Variants in NDUFC1 observed in about 807,000 individuals in gnomAD.
The protein encoded by NDUFC1 is NADH dehydrogenase [ubiquinone] 1 subunit C1, mitochondrial.
A neutral mutation model predicts 11.6 loss-of-function variants in NDUFC1; 11 were observed. That is an observed-to-expected ratio of 0.95 (90% CI 0.60 to 1.58). NDUFC1 has a LOEUF of 1.58. Among genes scored for constraint, NDUFC1 ranks in the 40% most tolerant of loss-of-function variants. The pLI, the probability that NDUFC1 is intolerant of heterozygous loss-of-function variation, is 0.00. For synonymous variants in NDUFC1, 52 were observed against 42.2 expected, an observed-to-expected ratio of 1.23 and a Z score of -0.90; for missense variants, 112 against 93.0, an observed-to-expected ratio of 1.20 and a Z score of -0.84.
chr4:139,300,880 C>G (rs3806767), intron 1 of NDUFC1: 40,446 of 152,126 alleles, frequency 0.27, 5,702 homozygotes, highest in African/African-American at 0.35. Flanking sequence ...ACCTCCAGAG[C>G]CTCCTTTGGC....
intron 5 of NDUFC1, among the ~76,000 whole-genome samples, chr4:139,291,802 C>G (rs982308877): frequency 6.6e-6 from 1 of 151,816 alleles, no homozygotes. Context: ...GTGTAAAGCA[C>G]TATCAGATTT....
At chr4:139,298,893 T>G (rs1461760883) in intron 1 of NDUFC1, among the ~76,000 whole-genome samples, 1 of 152,082 alleles carries the variant, frequency 6.6e-6, no homozygotes, top group Non-Finnish European at 1.5e-5. Context: ...CAGGTTGGTC[T>G]CAAACTTCTG....
In NDUFC1 at chr4:139,290,984, G is replaced by T. The variant is rs540435360; in HGVS notation, c.*21-892C>A. Reference sequence around the variant, plus strand: ...ACCACCATGCCTAGCTATTTTTTGTGTATTTTTAGTACTGATGGGGTTTCG... The same window carrying T: ...ACCACCATGCCTAGCTATTTTTTGTTTATTTTTAGTACTGATGGGGTTTCG... On this transcript the variant is annotated intron_variant, in intron 5 of 5. Coordinates refer to ENST00000394223, the MANE Select transcript of NDUFC1 (RefSeq NM_001184989.2). 6.6e-5 allele frequency among the ~76,000 whole-genome samples: 10 copies of T among 151,458 alleles called. No individual in the cohort carries two copies. In the South Asian group the frequency reaches 1.0e-3, roughly 16 times the overall value.
chr4:139,302,086 C>T, intron 1 of NDUFC1: 1 of 398,554 alleles, frequency 2.5e-6, no homozygotes, highest in Non-Finnish European at 4.5e-6. Flanking sequence ...GACCTCCCGG[C>T]TTCTAGACTG....
chr4:139,295,533 G>A lies in NDUFC1; in HGVS notation c.67+199C>T, dbSNP rs1745425416. 2.0e-5 allele frequency among the ~76,000 whole-genome samples: 3 copies of A among 152,230 alleles called. No homozygotes were observed. In the South Asian group the frequency reaches 6.2e-4, roughly 31 times the overall value. On this transcript the variant is annotated intron_variant, in intron 3 of 5. Coordinates refer to ENST00000394223, the MANE Select transcript of NDUFC1 (RefSeq NM_001184989.2). Reference sequence around the variant, plus strand: ...GCCAAGAGTGGTCAGGTTGAACTTGGATAAGTGCTAGAGGCGGGTGATGGG... The same window carrying A: ...GCCAAGAGTGGTCAGGTTGAACTTGAATAAGTGCTAGAGGCGGGTGATGGG...
chr4:139,295,342 T>C (rs1255657068), intron 3 of NDUFC1, among the ~76,000 whole-genome samples, 196 bp from the exon 4 acceptor site: 1 of 152,180 alleles, frequency 6.6e-6, no homozygotes, highest in African/African-American at 2.4e-5. Context: ...AGGACGCACC[T>C]GTCCTGTCCG....
chr4:139,298,185 A>G (rs964377136), intron 1 of NDUFC1, among the ~76,000 whole-genome samples: 29 of 152,198 alleles, frequency 1.9e-4, no homozygotes, highest in Non-Finnish European at 3.8e-4. Context: ...CACGCCTGTA[A>G]TCCCAGCACT....
chr4:139,290,744 A>G (rs1034068408), intron 5 of NDUFC1, among the ~76,000 whole-genome samples: 1 of 151,956 alleles, frequency 6.6e-6, no homozygotes, highest in African/African-American at 2.4e-5. Context: ...TGTACACTGT[A>G]TATGGTATAC....
At chr4:139,301,297 C>T in intron 1 of NDUFC1, 1 of 385,852 alleles carries the variant, frequency 2.6e-6, no homozygotes, top group Non-Finnish European at 4.6e-6. Flanking sequence ...CTTGCCTAGC[C>T]TCCCGTAGCT....
chr4:139,293,543 C>T (rs907028780), intron 4 of NDUFC1, among the ~76,000 whole-genome samples: 9 of 152,110 alleles, frequency 5.9e-5, no homozygotes. Context: ...CAACATTATT[C>T]AAAAAGATGA....
At position 139,295,917 on chromosome 4, in the gene NDUFC1, C is replaced by A; in HGVS notation, c.-119G>T. On this transcript the variant is annotated 5_prime_UTR_variant, in exon 3 of 6. Transcript: ENST00000394223. ...CTCCGTGGGGGCGTCAACGTGAATT[C>A]CAGCACGGCAAGGTTCTCTAGCACC... The A allele has an allele frequency of 9.8e-7, 1 of 1,025,114 alleles. No homozygotes were observed. The highest frequency in any genetic ancestry group is 1.4e-6 in the Non-Finnish European group (1 of 705,174). 63.5% of individuals were successfully genotyped at this position (1,025,114 alleles called of 1,614,324 possible). A position where few individuals can be genotyped will look rare whatever the true frequency, so the allele number is the denominator to read the frequency against.
Position 139,295,812 on chromosome 4 carries a change from G to A in NDUFC1, c.-14C>T, listed in dbSNP as rs368722282. 125 of 1,543,732 alleles carry A rather than the reference G, an allele frequency of 8.1e-5. No individual in the cohort carries two copies. Among genetic ancestry groups the A allele is most frequent in the Non-Finnish European group, 1.0e-4 (116 of 1,144,870 alleles). On this transcript the variant is annotated 5_prime_UTR_variant, in exon 3 of 6. Coordinates refer to ENST00000394223, the MANE Select transcript of NDUFC1 (RefSeq NM_001184989.2). Reference sequence around the variant, plus strand: ...GGACGGCGCCATCTTGCGTGGCCCAGCTCAGTCTCTCCGAGTTGGCAACAG... The same window carrying A: ...GGACGGCGCCATCTTGCGTGGCCCAACTCAGTCTCTCCGAGTTGGCAACAG...
chr4:139,295,740 G>C lies in NDUFC1; in HGVS notation c.59C>G (p.Pro20Arg), dbSNP rs2110773155. 2.6e-6 allele frequency: 4 copies of C among 1,546,872 alleles called. No homozygotes were observed. The highest frequency in any genetic ancestry group is 1.4e-5 in the African/African-American group (1 of 72,512). The stretch of plus-strand genomic sequence containing the variant: ...ACGAGGAGGATACTCACGGCCGCTC[G>C]GGAGCCTGGCGGGGGCCAGCAGCCG... ...LSRLLAPARL[P>R]SGPSVRSKFY... The change falls in exon 3 of 6, where the codon CCG becomes CGG. Residue 20 changes from proline to arginine, a missense_variant. By Grantham distance (103) the Pro-to-Arg change is moderately radical. Transcript: ENST00000394223.
chr4:139,301,853 A>G (rs935906976), intron 1 of NDUFC1: 6 of 1,578,682 alleles, frequency 3.8e-6, no homozygotes, highest in Non-Finnish European at 5.2e-6. Flanking sequence ...GCTCCGGGCA[A>G]GCGGTGGGGA....
intron 1 of NDUFC1, chr4:139,301,756 A>C: frequency 6.4e-7 from 1 of 1,558,936 alleles, no homozygotes; most frequent in South Asian, 1.2e-5. Context: ...TGGTGGCGGG[A>C]GCAGCGGGAG....
At chr4:139,291,978 A>G (rs1745239972) in intron 5 of NDUFC1, among the ~76,000 whole-genome samples, 3 of 151,612 alleles carry the variant, frequency 2.0e-5, no homozygotes, top group African/African-American at 7.2e-5. Context: ...CTGAGACTAC[A>G]GGCGCCCGCC....
chr4:139,290,386 C>T (rs1157004663), intron 5 of NDUFC1, among the ~76,000 whole-genome samples: 1 of 145,122 alleles, frequency 6.9e-6, no homozygotes, highest in East Asian at 2.0e-4. Context: ...CATATGCTAT[C>T]CCGCTGCCTA....
chr4:139,301,527 A>C, intron 1 of NDUFC1: 1 of 551,862 alleles, frequency 1.8e-6, no homozygotes, highest in Non-Finnish European at 3.2e-6. Flanking sequence ...CGGTCTGTTC[A>C]GTTACCACGT....
intron 1 of NDUFC1, among the ~76,000 whole-genome samples, chr4:139,298,984 T>C (rs923787028): frequency 6.6e-6 from 1 of 152,058 alleles, no homozygotes; most frequent in African/African-American, 2.4e-5. Context: ...ATGTTTTTTT[T>C]TTTGAGATGT....
Sources: allele counts gnomAD v4.1 joint callset (sites outside exome capture counted in the v4.1 genomes callset), GRCh38; gene constraint gnomAD v4.1.1; transcripts MANE v1.5; gene names NCBI Gene and HGNC (gene_info 2026-07-23, HGNC 2026-07-21).